GALNT1: variants seen among roughly 807,000 people sequenced by gnomAD.
GALNT1 encodes polypeptide N-acetylgalactosaminyltransferase 1.
GALNT1 carries 17 observed loss-of-function variants against 65.7 expected under a neutral mutation model. The observed-to-expected ratio is 0.26, with a 90% CI of 0.18 to 0.39. The LOEUF (loss-of-function observed/expected upper bound fraction) is 0.39. Among genes scored for constraint, GALNT1 ranks in the 10% least tolerant of loss-of-function variants. The pLI is 1.00. For missense variants in GALNT1, 460 were observed against 672.8 expected (o/e 0.68, Z 3.50); for synonymous variants, 210 against 219.7 (o/e 0.96, Z 0.39).
At chr18:35,677,346 G>A (rs931276422) in intron 3 of GALNT1, among the ~76,000 whole-genome samples, 3 of 152,086 alleles carry the variant, frequency 2.0e-5, no homozygotes, top group African/African-American at 7.2e-5. Flanking sequence ...ACATTCATCA[G>A]GAGGAAGTAC....
rs544571463 is a variant in GALNT1, at chr18:35,658,177, C to T, written c.139+3376C>T. ...TCCTTGCCTCTGGAGGAAAGGAGAA[C>T]GAATCATTCTCCCAGAAACAGTTGT... On this transcript the variant is annotated intron_variant, in intron 2 of 11. Transcript: ENST00000269195. Among the ~76,000 whole-genome samples the T allele has an allele frequency of 5.3e-5, 8 of 152,242 alleles. No individual in the cohort carries two copies. The South Asian group carries it at 1.0e-3, about 20-fold the overall frequency.
At chr18:35,663,506 G>A in intron 2 of GALNT1, 122 bp from the exon 3 acceptor site, 1 of 942,136 alleles carries the variant, frequency 1.1e-6, no homozygotes, top group South Asian at 1.7e-5. Flanking sequence ...CTAGGAGAGG[G>A]TGGGCTCAGA....
At chr18:35,689,623 T>C (rs1011999070) in intron 7 of GALNT1, among the ~76,000 whole-genome samples, 1 of 123,386 alleles carries the variant, frequency 8.1e-6, no homozygotes, top group African/African-American at 3.0e-5. Context: ...CTCAAAAACA[T>C]AAATTTCACA....
intron 1 of GALNT1, among the ~76,000 whole-genome samples, chr18:35,651,593 C>T (rs1235048644): frequency 1.3e-5 from 2 of 152,124 alleles, no homozygotes; most frequent in African/African-American, 4.8e-5. Flanking sequence ...ACTCTTTTCC[C>T]CACCTGCTGA....
In GALNT1 at chr18:35,687,184, C is replaced by T; in HGVS notation, c.858C>T (p.Val286=). ...GGAAAGGTGATCGGACTCTTCCTGT[C>T]AGGTAATTAATTTGTCAGACATTTT... ...DRRKGDRTLP[V]RTPTMAGGLF... The change falls in exon 6 of 12, where the codon GTC becomes GTT. Residue 286 remains valine, a splice_region_variant and synonymous_variant. Coordinates refer to ENST00000269195, the MANE Select transcript of GALNT1 (RefSeq NM_020474.4). 1 of 1,610,562 alleles carries T rather than the reference C, an allele frequency of 6.2e-7. No individual in the cohort carries two copies. The highest frequency in any genetic ancestry group is 8.5e-7 in the Non-Finnish European group (1 of 1,178,572).
At chr18:35,600,903 T>C (rs2046573765) in intron 1 of GALNT1, among the ~76,000 whole-genome samples, 1 of 152,134 alleles carries the variant, frequency 6.6e-6, no homozygotes, top group Non-Finnish European at 1.5e-5. Context: ...AGTTTTCTTT[T>C]TTTGTTGTGT....
At chr18:35,591,964 G>C (rs1023306783) in intron 1 of GALNT1, among the ~76,000 whole-genome samples, 2 of 152,206 alleles carry the variant, frequency 1.3e-5, no homozygotes, top group Non-Finnish European at 2.9e-5. Context: ...TAATGAATGT[G>C]TCTTGGTACA....
intron 9 of GALNT1, among the ~76,000 whole-genome samples, chr18:35,701,401 G>A (rs961216491): frequency 5.3e-5 from 8 of 152,196 alleles, no homozygotes; most frequent in Non-Finnish European, 1.0e-4. Context: ...AAGTGAGATA[G>A]CCATCATCGT....
chr18:35,677,664 A>G lies in GALNT1; in HGVS notation c.388A>G (p.Ser130Gly). 1 of 1,613,378 alleles carries G rather than the reference A, an allele frequency of 6.2e-7. No individual in the cohort carries two copies. ...VVIVFHNEAW[S>G]TLLRTVHSVI... is the part of the protein sequence containing the mutation. ...GATTGTTTTCCACAATGAGGCTTGG[A>G]GCACACTTCTGCGAACTGTCCATAG... The change falls in exon 4 of 12, where the codon AGC becomes GGC. Residue 130 changes from serine to glycine, a missense_variant. By Grantham distance (56) the Ser-to-Gly change is moderately conservative. Coordinates refer to ENST00000269195, the MANE Select transcript of GALNT1 (RefSeq NM_020474.4).
intron 3 of GALNT1, among the ~76,000 whole-genome samples, chr18:35,668,086 C>T (rs998036943): frequency 1.3e-5 from 2 of 152,036 alleles, no homozygotes; most frequent in African/African-American, 4.8e-5. Context: ...CCTTTAAATG[C>T]ATATGACTTT....
intron 6 of GALNT1, among the ~76,000 whole-genome samples, chr18:35,688,264 C>G (rs1249533136): frequency 1.3e-5 from 2 of 151,952 alleles, no homozygotes; most frequent in Middle Eastern, 3.2e-3. Flanking sequence ...TTTTTTTCTT[C>G]TAAAATCAAA....
At position 35,609,934 on chromosome 18, in the gene GALNT1, A is replaced by G. The variant is rs1227958267; in HGVS notation, c.-104+28072A>G. The stretch of plus-strand genomic sequence containing the variant: ...ATTTGATCCTTTTAGATCGAGGTTG[A>G]AAATAGTTCTGAAAGTCATTTTTTG... On this transcript the variant is annotated intron_variant, in intron 1 of 11. Transcript: ENST00000269195. Among the ~76,000 whole-genome samples, 4 of 152,344 alleles carry G rather than the reference A, an allele frequency of 2.6e-5. No homozygotes were observed. In the East Asian group the frequency reaches 7.7e-4, roughly 29 times the overall value.
At chr18:35,616,444 T>C (rs1274834033) in intron 1 of GALNT1, among the ~76,000 whole-genome samples, 1 of 152,208 alleles carries the variant, frequency 6.6e-6, no homozygotes, top group Non-Finnish European at 1.5e-5. Context: ...ATTGTTGTTA[T>C]GCTTTTATTC....
chr18:35,675,535 A>G (rs965853256), intron 3 of GALNT1, among the ~76,000 whole-genome samples: 1 of 152,146 alleles, frequency 6.6e-6, no homozygotes, highest in South Asian at 2.1e-4. Context: ...TTATTCTTTA[A>G]CATATTATAC....
chr18:35,610,540 A>T (rs148289735), intron 1 of GALNT1, among the ~76,000 whole-genome samples: 1 of 152,118 alleles, frequency 6.6e-6, no homozygotes, highest in Non-Finnish European at 1.5e-5. Context: ...AATGTTTGTG[A>T]TGGGAATATA....
intron 9 of GALNT1, among the ~76,000 whole-genome samples, chr18:35,696,634 T>TTA (rs2048062549): frequency 6.6e-6 from 1 of 152,210 alleles, no homozygotes; most frequent in Admixed American, 6.5e-5. Flanking sequence ...AGCATGTACT[T>TTA]TATGTCAAGC....
chr18:35,665,581 A>AC (rs1568027532), intron 3 of GALNT1, among the ~76,000 whole-genome samples: 1 of 152,160 alleles, frequency 6.6e-6, no homozygotes, highest in Non-Finnish European at 1.5e-5. Flanking sequence ...GAGGATTTCA[A>AC]CCCCCAGGGG....
intron 2 of GALNT1, among the ~76,000 whole-genome samples, chr18:35,655,235 T>C (rs1445217332): frequency 6.6e-6 from 1 of 152,050 alleles, no homozygotes; most frequent in Non-Finnish European, 1.5e-5. Context: ...ATAGATGTGA[T>C]CTGTAGAAGT....
chr18:35,668,644 T>C (rs952305452), intron 3 of GALNT1, among the ~76,000 whole-genome samples: 2 of 152,050 alleles, frequency 1.3e-5, no homozygotes, highest in Non-Finnish European at 2.9e-5. Flanking sequence ...AGATGCTGAT[T>C]AGTGGGCATA....
Sources: gnomAD v4.1 joint callset for allele counts (sites outside exome capture counted in the v4.1 genomes callset) on GRCh38, gnomAD v4.1.1 for gene constraint, MANE v1.5 for transcripts, NCBI Gene and HGNC (gene_info 2026-07-23, HGNC 2026-07-21) for gene names.